The following SNX32 variants were observed in gnomAD, a reference collection of about 807,000 sequenced individuals.
SNX32 encodes sorting nexin-32.
Under a neutral mutation model 57.0 loss-of-function variants are expected in SNX32, and 58 were observed. That is an observed-to-expected ratio of 1.02 (90% confidence interval 0.82 to 1.27). SNX32 has a LOEUF of 1.27. SNX32 is among the 50% of genes most tolerant of loss of function. SNX32 has a pLI of 0.00. For synonymous variants in SNX32, 262 were observed against 220.4 expected, an observed-to-expected ratio of 1.19 and a Z score of -1.67; for missense variants, 589 against 541.2, an observed-to-expected ratio of 1.09 and a Z score of -0.88.
intron 8 of SNX32, 72 bp downstream of exon 8, chr11:65,851,475 G>A (rs1477016319): frequency 8.9e-6 from 14 of 1,565,474 alleles, no homozygotes; most frequent in Non-Finnish European, 1.1e-5. Context: ...GGGTCACTCT[G>A]TAGATGTCTA....
intron 1 of SNX32, among the ~76,000 whole-genome samples, chr11:65,846,374 A>G (rs998675091): frequency 1.3e-5 from 2 of 151,754 alleles, no homozygotes; most frequent in African/African-American, 2.4e-5. Context: ...GTTCCAGACC[A>G]GCTTCAACAA....
chr11:65,849,054 G>A lies in SNX32; in HGVS notation c.37-424G>A, dbSNP rs1859081392. Among the ~76,000 whole-genome samples, 3 of 152,302 alleles carry A rather than the reference G, an allele frequency of 2.0e-5. No individual in the cohort carries two copies. In the East Asian group the frequency reaches 5.8e-4, roughly 29 times the overall value. On this transcript the variant is annotated intron_variant, in intron 1 of 12. Coordinates refer to ENST00000308342, the MANE Select transcript of SNX32 (RefSeq NM_152760.3). The stretch of plus-strand genomic sequence containing the variant: ...AGCTACTCGGGAGGCTGAGGCAGCA[G>A]AATCGCTTGAACCCGGGAGGTGGAG...
chr11:65,851,563 C>G (rs1859197645), intron 8 of SNX32, 77 bp from the exon 9 acceptor site: 2 of 1,576,682 alleles, frequency 1.3e-6, no homozygotes, highest in Non-Finnish European at 1.7e-6. Flanking sequence ...GGGAGATTCC[C>G]AAGGAGAGGC....
rs10896063 is a variant in SNX32, at chr11:65,839,225, A to G, written c.36+5124A>G. 2.9e-4 allele frequency among the ~76,000 whole-genome samples: 8 copies of G among 27,638 alleles called. 1 individual carries two copies. Among genetic ancestry groups the G allele is most frequent in the African/African-American group, 6.0e-4 (4 of 6,628 alleles). 18.1% of individuals were successfully genotyped at this position (27,638 alleles called of 152,430 possible). A position where few individuals can be genotyped will look rare whatever the true frequency, so the allele number is the denominator to read the frequency against. On this transcript the variant is annotated intron_variant, in intron 1 of 12. Transcript: ENST00000308342. ...CACCACGCCCAGCTAATTTTTTTGTATTTTTTTTTTTTTTTTTTTTTTGAG... is the reference window on the plus strand; with the variant it reads ...CACCACGCCCAGCTAATTTTTTTGTGTTTTTTTTTTTTTTTTTTTTTTGAG...
chr11:65,838,244 T>C (rs1017768033), intron 1 of SNX32, among the ~76,000 whole-genome samples: 6 of 151,982 alleles, frequency 3.9e-5, no homozygotes. Flanking sequence ...AAGAGGGACA[T>C]TTTATAATGA....
chr11:65,834,597 GTGTC>G (rs1370279441), intron 1 of SNX32, among the ~76,000 whole-genome samples: 6 of 150,120 alleles, frequency 4.0e-5, no homozygotes, highest in Admixed American at 1.3e-4. Flanking sequence ...GTGTGTCTTT[GTGTC>G]TGTGTCTGTC....
At position 65,851,830 on chromosome 11, in the gene SNX32, CA is replaced by C. The variant is rs1859207792; in HGVS notation, c.825+155del. 57 of 841,778 alleles carry C rather than the reference CA, an allele frequency of 6.8e-5. 1 individual carries two copies. In the South Asian group the frequency reaches 8.4e-4, roughly 12 times the overall value. The allele number at this position is 841,778 out of a possible 1,614,324, so 52.1% of individuals were successfully genotyped here. ...GGGCTTACACTCCAGACTAGTTTAA[CA>C]AAAGGTGGGGTGAAGACAAGGATCC... On this transcript the variant is annotated intron_variant, in intron 9 of 12. Coordinates refer to ENST00000308342, the MANE Select transcript of SNX32 (RefSeq NM_152760.3).
chr11:65,842,748 C>T (rs550143579), intron 1 of SNX32, among the ~76,000 whole-genome samples: 22 of 151,160 alleles, frequency 1.5e-4, no homozygotes, highest in Non-Finnish European at 3.0e-4. Context: ...GTCAGGAGTT[C>T]GAGACCGCCT....
At chr11:65,850,628 G>T (rs1367599929) in intron 5 of SNX32, 74 bp downstream of exon 5, 1 of 1,559,098 alleles carries the variant, frequency 6.4e-7, no homozygotes, top group African/African-American at 1.4e-5. Flanking sequence ...CCCAGGGGTG[G>T]CAGGGCTGGA....
rs1397982366 is a variant in SNX32 at position 65,839,214 on chromosome 11, AATTTTTTTGT to A, written c.36+5122_36+5131del. 1.4e-3 allele frequency among the ~76,000 whole-genome samples: 81 copies of A among 58,630 alleles called. 7 individuals are homozygous for A. Among genetic ancestry groups the A allele is most frequent in the Non-Finnish European group, 2.4e-3 (66 of 28,056 alleles). 38.5% of individuals were successfully genotyped at this position (58,630 alleles called of 152,430 possible). On this transcript the variant is annotated intron_variant, in intron 1 of 12. Transcript: ENST00000308342. Reference sequence around the variant, plus strand: ...CAGCTGTGCCCCACCACGCCCAGCTAATTTTTTTGTATTTTTTTTTTTTTTTTTTTTTTGA... The same window carrying A: ...CAGCTGTGCCCCACCACGCCCAGCTAATTTTTTTTTTTTTTTTTTTTTTGA...
rs1168882508 is a variant in SNX32, at chr11:65,839,225, ATTTTT to A, written c.36+5142_36+5146del. ...CACCACGCCCAGCTAATTTTTTTGT[ATTTTT>A]TTTTTTTTTTTTTTTTTGAGACGGA... On this transcript the variant is annotated intron_variant, in intron 1 of 12. Transcript: ENST00000308342. 9.4e-4 allele frequency among the ~76,000 whole-genome samples: 26 copies of A among 27,638 alleles called. 1 individual carries two copies. Among genetic ancestry groups the A allele is most frequent in the African/African-American group, 2.7e-3 (18 of 6,630 alleles). 18.1% of individuals were successfully genotyped at this position (27,638 alleles called of 152,430 possible).
Position 65,840,294 on chromosome 11 carries a change from C to A in SNX32, c.36+6193C>A, listed in dbSNP as rs527714785. ...AGCTCCATTAAGCTTCATTAAGATA[C>A]CCTTGATTAAAAAAAATATCTAAAA... On this transcript the variant is annotated intron_variant, in intron 1 of 12. Transcript: ENST00000308342. Among the ~76,000 whole-genome samples, 7 of 152,084 alleles carry A rather than the reference C, an allele frequency of 4.6e-5. No individual in the cohort carries two copies. The East Asian group carries it at 9.7e-4, about 21-fold the overall frequency.
chr11:65,853,426 A>T lies in SNX32; in HGVS notation c.*91A>T. On this transcript the variant is annotated 3_prime_UTR_variant, in exon 13 of 13. Transcript: ENST00000308342. ...TCTCCGGCAAGATGTCTCCTTCCCT[A>T]GCAGTGCCACTAGCCACACCCTCAC... is the stretch of plus-strand genomic sequence containing the variant. The T allele has an allele frequency of 7.5e-7, 1 of 1,325,878 alleles. No homozygotes were observed. The allele number at this position is 1,325,878 out of a possible 1,614,324, so 82.1% of individuals were successfully genotyped here.
Position 65,849,261 on chromosome 11 carries a change from A to G in SNX32, c.37-217A>G, listed in dbSNP as rs938203753. 3.3e-5 allele frequency among the ~76,000 whole-genome samples: 5 copies of G among 152,166 alleles called. 1 individual carries two copies. The South Asian group carries it at 1.0e-3, about 31-fold the overall frequency. ...TCAGCTTCAACAGCTGTAAAATGGG[A>G]AGTTTTCTGCCTGCCTCCAAGGATG... is the stretch of plus-strand genomic sequence containing the variant. On this transcript the variant is annotated intron_variant, in intron 1 of 12. Coordinates refer to ENST00000308342, the MANE Select transcript of SNX32 (RefSeq NM_152760.3).
At chr11:65,835,170 G>C (rs1175951503) in intron 1 of SNX32, among the ~76,000 whole-genome samples, 1 of 152,116 alleles carries the variant, frequency 6.6e-6, no homozygotes, top group Non-Finnish European at 1.5e-5. Flanking sequence ...AAGGAGACTT[G>C]AGCAAGGGAG....
Position 65,853,445 on chromosome 11 carries a change from C to A in SNX32, c.*110C>A. 1.8e-6 allele frequency: 2 copies of A among 1,089,172 alleles called. No homozygotes were observed. The highest frequency in any genetic ancestry group is 2.8e-6 in the Non-Finnish European group (2 of 718,692). The allele number at this position is 1,089,172 out of a possible 1,614,324, so 67.5% of individuals were successfully genotyped here. On this transcript the variant is annotated 3_prime_UTR_variant, in exon 13 of 13. Coordinates refer to ENST00000308342, the MANE Select transcript of SNX32 (RefSeq NM_152760.3). ...TTCCCTAGCAGTGCCACTAGCCACACCCTCACTCTGCCCCACATCCTCTCA... is the reference window on the plus strand; with the variant it reads ...TTCCCTAGCAGTGCCACTAGCCACAACCTCACTCTGCCCCACATCCTCTCA...
chr11:65,849,338 G>C, intron 1 of SNX32, 140 bp from the exon 2 acceptor site: 1 of 657,722 alleles, frequency 1.5e-6, no homozygotes, highest in South Asian at 1.8e-5. Context: ...TGCCTTATCA[G>C]GACCCCTCTC....
At chr11:65,849,609 G>T in intron 2 of SNX32, 27 bp downstream of exon 2, 2 of 1,592,492 alleles carry the variant, frequency 1.3e-6, no homozygotes, top group South Asian at 1.1e-5. Flanking sequence ...CACGAGGAAA[G>T]GTCCTGGTGG....
At chr11:65,841,862 G>T (rs1858851890) in intron 1 of SNX32, among the ~76,000 whole-genome samples, 2 of 151,882 alleles carry the variant, frequency 1.3e-5, no homozygotes, top group South Asian at 4.1e-4. Flanking sequence ...CATTAAAGAA[G>T]ACCTAAATAA....
Sources: gnomAD v4.1 joint callset for allele counts (sites outside exome capture counted in the v4.1 genomes callset) on GRCh38, gnomAD v4.1.1 for gene constraint, MANE v1.5 for transcripts, NCBI Gene and HGNC (gene_info 2026-07-23, HGNC 2026-07-21) for gene names.